Variants in MDFIC observed in about 807,000 individuals in gnomAD.
The protein encoded by MDFIC is myoD family inhibitor domain-containing protein.
In MDFIC, 17 loss-of-function variants were observed where a neutral mutation model predicts 23.2. That is an observed-to-expected ratio of 0.73 (90% CI 0.50 to 1.10). The LOEUF (loss-of-function observed/expected upper bound fraction) is 1.10, where lower values mean the gene tolerates loss of function less well. Among genes scored for constraint, MDFIC ranks in the 50% least tolerant of loss-of-function variants. The pLI is 0.00. For missense variants in MDFIC, 356 were observed against 316.6 expected (o/e 1.12, Z -0.95); for synonymous variants, 120 against 115.2 (o/e 1.04, Z -0.27).
Position 114,953,130 on chromosome 7 carries a change from A to C in MDFIC, c.217+10733A>C, listed in dbSNP as rs10230557. Among the ~76,000 whole-genome samples the C allele has an allele frequency of 3.6e-3, 548 of 152,298 alleles. 4 individuals carry two copies. The highest frequency in any genetic ancestry group is 0.012 in the African/African-American group (502 of 41,566). The stretch of plus-strand genomic sequence containing the variant: ...ATTAAACCCATATTCCTACATATTT[A>C]AGTTTTCAGTATTTTAGCCAATTTG... On this transcript the variant is annotated intron_variant, in intron 3 of 4. Transcript: ENST00000393486.
chr7:115,001,152 C>T (rs1001346774), intron 4 of MDFIC, among the ~76,000 whole-genome samples: 2 of 152,144 alleles, frequency 1.3e-5, no homozygotes, highest in African/African-American at 4.8e-5. Context: ...GGATATTAAT[C>T]ATTCTGCCCA....
At chr7:115,014,093 C>T (rs1265216848) in intron 4 of MDFIC, 2 of 985,198 alleles carry the variant, frequency 2.0e-6, no homozygotes, top group Non-Finnish European at 2.4e-6. Flanking sequence ...ACTCTCTGAC[C>T]CTTCCTCCTT....
intron 3 of MDFIC, among the ~76,000 whole-genome samples, chr7:114,958,734 A>G (rs1792931448): frequency 6.6e-6 from 1 of 152,200 alleles, no homozygotes; most frequent in Non-Finnish European, 1.5e-5. Flanking sequence ...CTGGGTGACA[A>G]GTGTGAAACT....
At chr7:114,998,089 T>A (rs1007393283) in intron 4 of MDFIC, among the ~76,000 whole-genome samples, 3 of 152,204 alleles carry the variant, frequency 2.0e-5, no homozygotes, top group Non-Finnish European at 4.4e-5. Context: ...TATTTCTTAG[T>A]TACAATAATA....
intron 2 of MDFIC, among the ~76,000 whole-genome samples, chr7:114,929,754 A>C (rs7777885): frequency 0.81 from 123,161 of 151,980 alleles, 51,763 homozygotes; most frequent in Non-Finnish European, 0.92. Context: ...GATTGAATAC[A>C]CTCACTGTGC....
intron 3 of MDFIC, among the ~76,000 whole-genome samples, chr7:114,959,824 C>CTAATAA (rs56917725): frequency 0.44 from 63,589 of 145,218 alleles, 14,453 homozygotes; most frequent in East Asian, 0.68. Context: ...TCTAAATAGA[C>CTAATAA]TAATAATAAT....
intron 3 of MDFIC, 89 bp from the exon 4 acceptor site, chr7:114,979,417 A>G (rs1458790869): frequency 7.4e-7 from 1 of 1,360,152 alleles, no homozygotes; most frequent in Non-Finnish European, 9.8e-7. Context: ...GTAAAACCCC[A>G]AATCTCTGTT....
intron 4 of MDFIC, among the ~76,000 whole-genome samples, chr7:115,011,662 C>A (rs569172996): frequency 1.1e-3 from 165 of 152,316 alleles, no homozygotes; most frequent in African/African-American, 3.8e-3. Flanking sequence ...ATGAGAGATT[C>A]ATTTCTTGGC....
At chr7:115,011,531 CA>C (rs1362491891) in intron 4 of MDFIC, among the ~76,000 whole-genome samples, 1 of 152,088 alleles carries the variant, frequency 6.6e-6, no homozygotes, top group Non-Finnish European at 1.5e-5. Flanking sequence ...GATAAGTTAG[CA>C]AAGGAGTGTT....
intron 4 of MDFIC, among the ~76,000 whole-genome samples, chr7:114,981,935 G>A (rs930389573): frequency 2.0e-5 from 3 of 152,176 alleles, no homozygotes; most frequent in African/African-American, 7.2e-5. Flanking sequence ...AAAATCCGTT[G>A]AACTGGTAGA....
At chr7:114,946,437 C>T (rs1466788257) in intron 3 of MDFIC, among the ~76,000 whole-genome samples, 1 of 152,044 alleles carries the variant, frequency 6.6e-6, no homozygotes. Flanking sequence ...TAACTTTATC[C>T]TTGGACATTG....
At chr7:114,985,493 T>G (rs1056221357) in intron 4 of MDFIC, among the ~76,000 whole-genome samples, 1 of 152,054 alleles carries the variant, frequency 6.6e-6, no homozygotes, top group Non-Finnish European at 1.5e-5. Flanking sequence ...TGTGTGTGTG[T>G]GCTCTTCTTT....
At chr7:114,972,754 G>A (rs541541202) in intron 3 of MDFIC, among the ~76,000 whole-genome samples, 174 of 151,974 alleles carry the variant, frequency 1.1e-3, no homozygotes, top group Non-Finnish European at 1.9e-3. Context: ...GTAGCCTCCC[G>A]TGTACAGGCA....
intron 4 of MDFIC, among the ~76,000 whole-genome samples, chr7:114,985,468 TTC>T (rs200559967): frequency 6.6e-5 from 10 of 151,054 alleles, no homozygotes; most frequent in African/African-American, 1.5e-4. Context: ...CTTTTTTCTT[TTC>T]TCTCTCTCTC....
chr7:114,994,198 C>T (rs1023769028), intron 4 of MDFIC, among the ~76,000 whole-genome samples: 8 of 151,978 alleles, frequency 5.3e-5, no homozygotes, highest in Non-Finnish European at 8.8e-5. Flanking sequence ...TTTCTATTTG[C>T]TTGGTAGATC....
chr7:114,979,577 A>T lies in MDFIC; in HGVS notation c.289A>T (p.Lys97Ter). The change falls in exon 4 of 5, where the codon AAG (lysine) becomes TAG (stop). Residue 97 changes from lysine to a stop codon, truncating the protein, a stop_gained. Coordinates refer to ENST00000393486, the MANE Select transcript of MDFIC (RefSeq NM_001166345.3). LOFTEE classifies it high-confidence loss of function. ...VPSGEEIGKIKNGHTGLSNGN... is the reference protein window; with the variant it reads ...VPSGEEIGKI The stretch of plus-strand genomic sequence containing the variant: ...AAGTGGTGAGGAAATAGGCAAGATA[A>T]AGAACGGCCACACAGGTCTGAGCAA... The T allele has an allele frequency of 1.9e-6, 3 of 1,614,124 alleles. No individual in the cohort carries two copies. Among genetic ancestry groups the T allele is most frequent in the Non-Finnish European group, 2.5e-6 (3 of 1,179,996 alleles).
At chr7:114,956,501 G>A (rs1167354913) in intron 3 of MDFIC, among the ~76,000 whole-genome samples, 2 of 152,036 alleles carry the variant, frequency 1.3e-5, no homozygotes, top group Non-Finnish European at 2.9e-5. Context: ...GATAGGTAGA[G>A]AATCAGCATA....
At position 114,979,650 on chromosome 7, in the gene MDFIC, G is replaced by A. The variant is rs374659274; in HGVS notation, c.362G>A (p.Arg121His). 21 of 1,613,956 alleles carry A rather than the reference G, an allele frequency of 1.3e-5. No homozygotes were observed. In the African/African-American group the frequency reaches 1.9e-4, roughly 14 times the overall value. ...HGAKHGSADN[R>H]KLSAPVSQKM... ...GCCAAACACGGATCCGCAGATAATC[G>A]CAAACTTTCAGCACCTGTTTCTCAA... Residue 121 changes from arginine (R) to histidine (H), a missense_variant, in exon 4 of 5, where the codon CGC becomes CAC. Physicochemically the swap from Arg to His is conservative, Grantham distance 29 (BLOSUM62 0). Transcript: ENST00000393486.
intron 2 of MDFIC, among the ~76,000 whole-genome samples, chr7:114,939,589 C>T (rs2115748373): frequency 6.7e-6 from 1 of 149,760 alleles, no homozygotes; most frequent in East Asian, 1.9e-4. Context: ...TTATTTTTTG[C>T]CTAGAGTGGG....
Sources: allele counts gnomAD v4.1 joint callset (sites outside exome capture counted in the v4.1 genomes callset), GRCh38; gene constraint gnomAD v4.1.1; transcripts MANE v1.5; gene names NCBI Gene and HGNC (gene_info 2026-07-23, HGNC 2026-07-21).